The following KHDRBS3 variants were observed in gnomAD, a reference collection of about 807,000 sequenced individuals.
KHDRBS3 encodes the protein KH RNA binding domain containing, signal transduction associated 3.
In KHDRBS3, 23 loss-of-function variants were observed where a neutral mutation model predicts 45.6. The ratio of observed to expected loss-of-function variants is 0.50; its 90% CI spans 0.36 to 0.72. The LOEUF is 0.72. Among genes scored for constraint, KHDRBS3 ranks in the 30% least tolerant of loss-of-function variants. KHDRBS3 has a pLI of 0.00. For synonymous variants in KHDRBS3, 162 were observed against 156.5 expected, an observed-to-expected ratio of 1.04 and a Z score of -0.26; for missense variants, 352 against 424.8, an observed-to-expected ratio of 0.83 and a Z score of 1.51.
intron 1 of KHDRBS3, among the ~76,000 whole-genome samples, chr8:135,471,161 C>T (rs769651656): frequency 6.6e-6 from 1 of 152,164 alleles, no homozygotes; most frequent in Non-Finnish European, 1.5e-5. Context: ...GAATTCTTGT[C>T]TCACCTGTCT....
chr8:135,584,043 G>A (rs1351926265), intron 6 of KHDRBS3, among the ~76,000 whole-genome samples: 1 of 152,180 alleles, frequency 6.6e-6, no homozygotes, highest in African/African-American at 2.4e-5. Context: ...AAGATAATGG[G>A]ATAATGGCCC....
intron 6 of KHDRBS3, among the ~76,000 whole-genome samples, chr8:135,603,442 C>T (rs1586789160): frequency 1.3e-5 from 2 of 152,184 alleles, no homozygotes; most frequent in East Asian, 3.8e-4. Flanking sequence ...TGATAGCTTT[C>T]TCTCCCTTGA....
intron 7 of KHDRBS3, among the ~76,000 whole-genome samples, chr8:135,610,708 G>A (rs140670718): frequency 5.3e-5 from 8 of 152,026 alleles, no homozygotes; most frequent in African/African-American, 1.9e-4. Flanking sequence ...TGAAGGATAA[G>A]TAGTAGTCAC....
intron 7 of KHDRBS3, among the ~76,000 whole-genome samples, chr8:135,632,559 G>T (rs908417035): frequency 2.6e-5 from 4 of 151,902 alleles, no homozygotes; most frequent in African/African-American, 7.3e-5. Context: ...CCAGAGGAGG[G>T]TCTCTCAAAC....
rs1174664851 is a variant in KHDRBS3, at chr8:135,543,133, C to A, written c.324+363C>A. On this transcript the variant is annotated intron_variant, in intron 3 of 8. Transcript: ENST00000355849. Reference sequence around the variant, plus strand: ...TTTGGAGTCTTTTTTTCTGTGCAGACCTTACATATAGTTGAGTTTATAATG... The same window carrying A: ...TTTGGAGTCTTTTTTTCTGTGCAGAACTTACATATAGTTGAGTTTATAATG... Among the ~76,000 whole-genome samples the A allele has an allele frequency of 6.6e-5, 10 of 151,984 alleles. No individual in the cohort carries two copies. In the East Asian group the frequency reaches 1.7e-3, roughly 26 times the overall value.
intron 1 of KHDRBS3, among the ~76,000 whole-genome samples, chr8:135,472,117 T>C (rs896535106): frequency 6.6e-6 from 1 of 152,186 alleles, no homozygotes; most frequent in Non-Finnish European, 1.5e-5. Context: ...AAAAGTGTTT[T>C]CTCTTTATTA....
chr8:135,588,222 A>G (rs774519179), intron 6 of KHDRBS3, among the ~76,000 whole-genome samples: 20 of 152,108 alleles, frequency 1.3e-4, no homozygotes, highest in Non-Finnish European at 2.6e-4. Context: ...ATTTGTTAGA[A>G]CGGCTCAGAA....
At chr8:135,528,006 T>C (rs1470311216) in intron 2 of KHDRBS3, among the ~76,000 whole-genome samples, 1 of 152,236 alleles carries the variant, frequency 6.6e-6, no homozygotes, top group Non-Finnish European at 1.5e-5. Context: ...ATTTTTGTAC[T>C]GTGATTGTGA....
chr8:135,548,613 T>C, intron 3 of KHDRBS3, 141 bp from the exon 4 acceptor site: 1 of 569,084 alleles, frequency 1.8e-6, no homozygotes, highest in Non-Finnish European at 2.8e-6. Context: ...CCTTCTTTTT[T>C]AGAGTAGTGT....
intron 1 of KHDRBS3, among the ~76,000 whole-genome samples, chr8:135,467,974 G>A (rs144060114): frequency 7.0e-4 from 107 of 152,218 alleles, no homozygotes; most frequent in African/African-American, 2.3e-3. Flanking sequence ...TACATTTATT[G>A]GTTGATATTC....
chr8:135,475,963 G>T (rs1822258907), intron 1 of KHDRBS3, among the ~76,000 whole-genome samples: 1 of 152,076 alleles, frequency 6.6e-6, no homozygotes, highest in African/African-American at 2.4e-5. Context: ...AAAATGGAGG[G>T]GCCTTATGGA....
At chr8:135,517,288 T>A (rs1286766315) in intron 1 of KHDRBS3, among the ~76,000 whole-genome samples, 1 of 152,146 alleles carries the variant, frequency 6.6e-6, no homozygotes, top group Non-Finnish European at 1.5e-5. Flanking sequence ...GAAAGTCAAA[T>A]CCCCTATGCA....
At chr8:135,574,081 A>G (rs982740070) in intron 5 of KHDRBS3, among the ~76,000 whole-genome samples, 31 of 152,314 alleles carry the variant, frequency 2.0e-4, no homozygotes, top group Admixed American at 9.8e-4. Context: ...CCAGCTGTTC[A>G]GCCTTGCCCT....
intron 7 of KHDRBS3, among the ~76,000 whole-genome samples, chr8:135,626,970 G>A (rs977738780): frequency 8.5e-5 from 13 of 152,238 alleles, no homozygotes; most frequent in African/African-American, 2.4e-4. Context: ...GTAGTAGGAA[G>A]GAGTAGCAGG....
rs189952687 is a variant in KHDRBS3 at position 135,589,147 on chromosome 8, A to G, written c.807+7074A>G. The stretch of plus-strand genomic sequence containing the variant: ...TAGTAGTCACTTAATAAATACTGGT[A>G]GTTTGGATGGATGGATGCACAACAG... On this transcript the variant is annotated intron_variant, in intron 6 of 8. Coordinates refer to ENST00000355849, the MANE Select transcript of KHDRBS3 (RefSeq NM_006558.3). Among the ~76,000 whole-genome samples the G allele has an allele frequency of 6.6e-5, 10 of 152,326 alleles. No homozygotes were observed. The East Asian group carries it at 1.9e-3, about 29-fold the overall frequency.
chr8:135,647,247 A>T lies in KHDRBS3; in HGVS notation c.*163A>T. 2 of 335,982 alleles carry T rather than the reference A, an allele frequency of 6.0e-6. No homozygotes were observed. Among genetic ancestry groups the T allele is most frequent in the Non-Finnish European group, 1.1e-5 (2 of 184,394 alleles). The allele number at this position is 335,982 out of a possible 1,614,324, so 20.8% of individuals were successfully genotyped here. A position where few individuals can be genotyped will look rare whatever the true frequency, so the allele number is the denominator to read the frequency against. On this transcript the variant is annotated 3_prime_UTR_variant, in exon 9 of 9. Transcript: ENST00000355849. ...TTGTTGAAACATCAACCTGGGCAGA[A>T]AAAAAAAAAAAAAGACATGTAAAAT...
intron 1 of KHDRBS3, among the ~76,000 whole-genome samples, chr8:135,458,389 C>G (rs1482389384): frequency 1.3e-5 from 2 of 152,088 alleles, no homozygotes; most frequent in African/African-American, 4.8e-5. Flanking sequence ...ACTTGAGGGA[C>G]TCAAATGCAG....
intron 8 of KHDRBS3, 56 bp downstream of exon 8, chr8:135,645,173 C>T (rs1831233440): frequency 1.3e-6 from 2 of 1,557,484 alleles, no homozygotes; most frequent in South Asian, 1.1e-5. Flanking sequence ...CGTAGAAAGA[C>T]CTTAAAGATA....
chr8:135,512,438 G>GGGT (rs1824346391), intron 1 of KHDRBS3, among the ~76,000 whole-genome samples: 1 of 117,346 alleles, frequency 8.5e-6, no homozygotes, highest in Non-Finnish European at 1.7e-5. Flanking sequence ...TCGGGGGGGG[G>GGGT]GTAATAACTC....
Sources: allele counts gnomAD v4.1 joint callset (sites outside exome capture counted in the v4.1 genomes callset), GRCh38; gene constraint gnomAD v4.1.1; transcripts MANE v1.5; gene names NCBI Gene and HGNC (gene_info 2026-07-23, HGNC 2026-07-21).